The following CDH20 variants were observed in gnomAD, a reference collection of about 807,000 sequenced individuals.
CDH20 encodes cadherin-20.
CDH20 carries 29 observed loss-of-function variants against 74.2 expected under a neutral mutation model. The observed-to-expected ratio is 0.39, with a 90% CI of 0.29 to 0.53. The LOEUF (loss-of-function observed/expected upper bound fraction) is 0.53. Ranked by LOEUF, CDH20 falls within the 20% of genes least tolerant of loss-of-function variation. CDH20 has a pLI of 0.69. For missense variants in CDH20, 988 were observed against 1,048.3 expected (o/e 0.94, Z 0.79); for synonymous variants, 469 against 405.4 (o/e 1.16, Z -1.88).
intron 1 of CDH20, among the ~76,000 whole-genome samples, chr18:61,374,962 A>C (rs1911168275): frequency 6.6e-6 from 1 of 152,174 alleles, no homozygotes; most frequent in African/African-American, 2.4e-5. Flanking sequence ...AGGACAGCAA[A>C]AAGATTAGAT....
rs550212167 is a variant in CDH20, at chr18:61,452,790, T to C, written c.-152-37612T>C. ...GAGCCAAGTTCTGTGTCTTCACAGT[T>C]CCTTAATTAAGACCCACAACTGTTT... On this transcript the variant is annotated intron_variant, in intron 1 of 11. Transcript: ENST00000262717. 2.6e-5 allele frequency among the ~76,000 whole-genome samples: 4 copies of C among 152,194 alleles called. No homozygotes were observed. In the South Asian group the frequency reaches 6.2e-4, roughly 24 times the overall value.
At chr18:61,409,949 T>C (rs369838185) in intron 1 of CDH20, among the ~76,000 whole-genome samples, 41 of 152,276 alleles carry the variant, frequency 2.7e-4, no homozygotes, top group Admixed American at 1.2e-3. Flanking sequence ...TCTGACCACA[T>C]TGCAGCCAGG....
chr18:61,547,620 A>G (rs1210658123), intron 10 of CDH20, among the ~76,000 whole-genome samples: 3 of 152,190 alleles, frequency 2.0e-5, no homozygotes, highest in African/African-American at 7.2e-5. Flanking sequence ...CTGATAGATG[A>G]GGAAAGTAAG....
At chr18:61,512,769 T>C (rs1911831069) in intron 6 of CDH20, among the ~76,000 whole-genome samples, 1 of 152,120 alleles carries the variant, frequency 6.6e-6, no homozygotes. Flanking sequence ...TACCCAGTAG[T>C]CATTCAGGAG....
chr18:61,517,320 C>T (rs1389177526), intron 6 of CDH20, among the ~76,000 whole-genome samples: 3 of 152,162 alleles, frequency 2.0e-5, no homozygotes, highest in Non-Finnish European at 2.9e-5. Context: ...GGAAAAGCTC[C>T]AGTCTGCAGC....
At chr18:61,433,947 G>A (rs973028318) in intron 1 of CDH20, among the ~76,000 whole-genome samples, 4 of 152,098 alleles carry the variant, frequency 2.6e-5, no homozygotes, top group African/African-American at 9.7e-5. Context: ...ACAACACAGA[G>A]AAGGTATTGA....
intron 9 of CDH20, among the ~76,000 whole-genome samples, chr18:61,542,692 T>C (rs1034953387): frequency 6.6e-6 from 1 of 152,196 alleles, no homozygotes; most frequent in African/African-American, 2.4e-5. Context: ...GAGGTTCATT[T>C]GGCTCATGGT....
intron 1 of CDH20, chr18:61,404,956 C>T: frequency 1.4e-6 from 1 of 711,252 alleles, no homozygotes. Context: ...TTTCCTCATG[C>T]TGCGCCCAGT....
chr18:61,476,825 T>C (rs1184651736), intron 1 of CDH20, among the ~76,000 whole-genome samples: 2 of 152,220 alleles, frequency 1.3e-5, no homozygotes, highest in African/African-American at 4.8e-5. Context: ...GATCAATTTG[T>C]CTTGGGCCAT....
chr18:61,443,163 C>A (rs1909087518), intron 1 of CDH20, among the ~76,000 whole-genome samples: 2 of 152,112 alleles, frequency 1.3e-5, no homozygotes, highest in African/African-American at 2.4e-5. Flanking sequence ...GGCTGAGCAA[C>A]AATTGTGCTT....
intron 1 of CDH20, among the ~76,000 whole-genome samples, chr18:61,426,276 A>G (rs182149413): frequency 3.3e-5 from 5 of 152,268 alleles, no homozygotes; most frequent in Non-Finnish European, 7.4e-5. Context: ...AACAAACTTA[A>G]AGCTCTAAAA....
Position 61,544,935 on chromosome 18 carries a change from C to T in CDH20, c.1531-92C>T, listed in dbSNP as rs1913182249. The T allele has an allele frequency of 1.7e-5, 14 of 809,294 alleles. No homozygotes were observed. In the South Asian group the frequency reaches 1.8e-4, roughly 10 times the overall value. The allele number at this position is 809,294 out of a possible 1,614,324, so 50.1% of individuals were successfully genotyped here. A position where few individuals can be genotyped will look rare whatever the true frequency, so the allele number is the denominator to read the frequency against. On this transcript the variant is annotated intron_variant, in intron 9 of 11. Transcript: ENST00000262717. ...ATATCCTTCTCATAAGGTAAAACAT[C>T]CCACCATCGCGTTTCCGGGTTTGGG...
intron 1 of CDH20, among the ~76,000 whole-genome samples, chr18:61,461,057 A>T (rs576877507): frequency 3.9e-5 from 6 of 152,302 alleles, no homozygotes; most frequent in African/African-American, 1.4e-4. Flanking sequence ...GGAAAATAGC[A>T]ATTTTGCATT....
At chr18:61,394,022 A>G (rs1463875075) in intron 1 of CDH20, among the ~76,000 whole-genome samples, 1 of 152,176 alleles carries the variant, frequency 6.6e-6, no homozygotes, top group African/African-American at 2.4e-5. Flanking sequence ...CGTCTCACTT[A>G]CAGCATTAAT....
At position 61,555,709 on chromosome 18, in the gene CDH20, G is replaced by A; in HGVS notation, c.*1014G>A. The A allele has an allele frequency of 6.3e-6, 6 of 957,556 alleles. No homozygotes were observed. 59.3% of individuals were successfully genotyped at this position (957,556 alleles called of 1,614,324 possible). A position where few individuals can be genotyped will look rare whatever the true frequency, so the allele number is the denominator to read the frequency against. On this transcript the variant is annotated 3_prime_UTR_variant, in exon 12 of 12. Transcript: ENST00000262717. Reference sequence around the variant, plus strand: ...GTTTTGTATATTTGTTAATAATTTTGGTAATAAATATGATGTACTGCATCT... The same window carrying A: ...GTTTTGTATATTTGTTAATAATTTTAGTAATAAATATGATGTACTGCATCT...
At chr18:61,355,452 A>G (rs1208992292) in intron 1 of CDH20, among the ~76,000 whole-genome samples, 2 of 152,238 alleles carry the variant, frequency 1.3e-5, no homozygotes, top group African/African-American at 4.8e-5. Flanking sequence ...GCTACGTTTT[A>G]GTATTTACAC....
rs146697757 is a variant in CDH20 at position 61,546,372 on chromosome 18, T to C, written c.1648+1228T>C. The stretch of plus-strand genomic sequence containing the variant: ...CTAAATGGCAAAGCATTCTTCTAAG[T>C]CATCCCTTCAACCTCCTACATGTCA... On this transcript the variant is annotated intron_variant, in intron 10 of 11. Transcript: ENST00000262717. Among the ~76,000 whole-genome samples the C allele has an allele frequency of 1.4e-3, 206 of 152,318 alleles. 2 individuals are homozygous for C. The highest frequency in any genetic ancestry group is 4.3e-3 in the African/African-American group (180 of 41,574).
intron 1 of CDH20, among the ~76,000 whole-genome samples, chr18:61,462,556 T>C (rs1416793383): frequency 6.6e-6 from 1 of 152,148 alleles, no homozygotes; most frequent in Non-Finnish European, 1.5e-5. Flanking sequence ...ATTTTCTCAG[T>C]GATGGAATAT....
At chr18:61,359,032 A>T (rs1381882787) in intron 1 of CDH20, among the ~76,000 whole-genome samples, 1 of 152,180 alleles carries the variant, frequency 6.6e-6, no homozygotes, top group Non-Finnish European at 1.5e-5. Flanking sequence ...TTCCTCACAA[A>T]CATCTCTAGA....
Sources: gnomAD v4.1 joint callset for allele counts (sites outside exome capture counted in the v4.1 genomes callset) on GRCh38, gnomAD v4.1.1 for gene constraint, MANE v1.5 for transcripts, NCBI Gene and HGNC (gene_info 2026-07-23, HGNC 2026-07-21) for gene names.